The following TPD52 variants were observed in gnomAD, a reference collection of about 807,000 sequenced individuals.
TPD52 encodes tumor protein D52.
In TPD52, 17 loss-of-function variants were observed where a neutral mutation model predicts 31.3. The ratio of observed to expected loss-of-function variants is 0.54; its 90% CI spans 0.37 to 0.82. TPD52 has a LOEUF of 0.82. Among genes scored for constraint, TPD52 ranks in the 40% least tolerant of loss-of-function variants. TPD52 has a pLI of 0.00. For synonymous variants in TPD52, 83 were observed against 89.6 expected, an observed-to-expected ratio of 0.93 and a Z score of 0.42; for missense variants, 212 against 240.1, an observed-to-expected ratio of 0.88 and a Z score of 0.77.
intron 2 of TPD52, among the ~76,000 whole-genome samples, chr8:80,060,234 T>C (rs1168395733): frequency 7.0e-6 from 1 of 143,092 alleles, no homozygotes; most frequent in African/African-American, 2.6e-5. Context: ...GAAAGGATTA[T>C]AAAAGAATAT....
At chr8:80,135,586 G>A (rs1161719817) in intron 1 of TPD52, among the ~76,000 whole-genome samples, 1 of 151,668 alleles carries the variant, frequency 6.6e-6, no homozygotes, top group East Asian at 1.9e-4. Context: ...ATTCCTCAGG[G>A]ATCTAGAACT....
chr8:80,080,777 G>C, intron 1 of TPD52: 1 of 1,038,938 alleles, frequency 9.6e-7, no homozygotes, highest in Non-Finnish European at 1.2e-6. Flanking sequence ...AAGAAGGGCA[G>C]GGTTCTGCAA....
intron 2 of TPD52, among the ~76,000 whole-genome samples, chr8:80,054,159 C>T (rs547861059): frequency 1.3e-5 from 2 of 152,150 alleles, no homozygotes; most frequent in Admixed American, 6.5e-5. Flanking sequence ...CTCAACTATT[C>T]GTCTCTCTCA....
chr8:80,123,851 C>G (rs1808421510), intron 1 of TPD52, among the ~76,000 whole-genome samples: 1 of 152,036 alleles, frequency 6.6e-6, no homozygotes, highest in Admixed American at 6.6e-5. Flanking sequence ...TGGGAGAGTT[C>G]AACATCTGGA....
At chr8:80,064,812 G>C in intron 1 of TPD52, 1 of 677,032 alleles carries the variant, frequency 1.5e-6, no homozygotes, top group Non-Finnish European at 2.7e-6. Context: ...TATGAATTTA[G>C]AAAATATAGC....
At chr8:80,169,797 C>T (rs1055122215) in intron 1 of TPD52, among the ~76,000 whole-genome samples, 5 of 152,158 alleles carry the variant, frequency 3.3e-5, no homozygotes, top group Non-Finnish European at 1.5e-5. Flanking sequence ...CCTAAGCCGG[C>T]TAACAATATA....
chr8:80,054,006 C>A (rs1811620872), intron 2 of TPD52, among the ~76,000 whole-genome samples: 1 of 152,160 alleles, frequency 6.6e-6, no homozygotes, highest in Admixed American at 6.6e-5. Flanking sequence ...ACCGCCTCCT[C>A]AGGAGATCCC....
intron 1 of TPD52, among the ~76,000 whole-genome samples, chr8:80,068,840 C>A (rs1173138514): frequency 6.6e-6 from 1 of 152,212 alleles, no homozygotes; most frequent in Admixed American, 6.5e-5. Flanking sequence ...CATTTTACAT[C>A]TTTGAGATGC....
downstream of TPD52, among the ~76,000 whole-genome samples, chr8:80,034,305 G>A (rs1346597381): frequency 2.0e-5 from 3 of 151,976 alleles, no homozygotes; most frequent in African/African-American, 7.2e-5. Flanking sequence ...AGCTGCAGCT[G>A]GGTGGCTGCA....
At chr8:80,032,356 T>G (rs1304869811), downstream of TPD52, among the ~76,000 whole-genome samples, 1 of 152,114 alleles carries the variant, frequency 6.6e-6, no homozygotes, top group African/African-American at 2.4e-5. Context: ...TAGTGATGTT[T>G]TCACATACGC....
At chr8:80,053,212 C>A in intron 3 of TPD52, 70 bp downstream of exon 3, 1 of 1,503,814 alleles carries the variant, frequency 6.6e-7, no homozygotes, top group South Asian at 1.4e-5. Flanking sequence ...TTTTTCTTCC[C>A]CTCTCCAGAC....
intron 1 of TPD52, among the ~76,000 whole-genome samples, chr8:80,138,174 C>A (rs1234115569): frequency 6.6e-6 from 1 of 152,012 alleles, no homozygotes; most frequent in African/African-American, 2.4e-5. Flanking sequence ...AACTCCCGAC[C>A]TCAGGTGATC....
At chr8:80,103,194 A>G (rs537123560) in intron 1 of TPD52, among the ~76,000 whole-genome samples, 2 of 152,314 alleles carry the variant, frequency 1.3e-5, no homozygotes, top group South Asian at 2.1e-4. Context: ...TTTACAGGCA[A>G]TGTTAAAAAA....
At chr8:80,160,596 C>T (rs529854811) in intron 1 of TPD52, among the ~76,000 whole-genome samples, 43 of 152,174 alleles carry the variant, frequency 2.8e-4, no homozygotes, top group African/African-American at 9.6e-4. Context: ...GCATTTTTCC[C>T]TCTTTACAGA....
chr8:80,118,057 C>T (rs1470407037), intron 1 of TPD52, among the ~76,000 whole-genome samples: 2 of 152,054 alleles, frequency 1.3e-5, no homozygotes, highest in Admixed American at 6.6e-5. Context: ...TAATTTCAAA[C>T]TTCACTACAA....
chr8:80,104,661 A>C (rs1586306729), intron 1 of TPD52, among the ~76,000 whole-genome samples: 1 of 142,672 alleles, frequency 7.0e-6, no homozygotes, highest in Admixed American at 6.9e-5. Flanking sequence ...GAGTCTGCTG[A>C]TTTTTTTTTT....
intron 1 of TPD52, among the ~76,000 whole-genome samples, chr8:80,077,254 G>A (rs112205734): frequency 0.19 from 28,476 of 146,652 alleles, 2,960 homozygotes; most frequent in South Asian, 0.31. Flanking sequence ...CAGCCTGGGC[G>A]ACAGAGCAAG....
At chr8:80,052,654 T>C in intron 3 of TPD52, 1 of 1,289,222 alleles carries the variant, frequency 7.8e-7, no homozygotes, top group Non-Finnish European at 1.0e-6. Flanking sequence ...GTTCGGTTTC[T>C]GCTGCTAGAA....
chr8:80,052,579 A>C (rs1288476935), intron 3 of TPD52: 1 of 1,280,914 alleles, frequency 7.8e-7, no homozygotes, highest in Admixed American at 2.4e-5. Context: ...TCTGATAGTT[A>C]AATTGTAAAA....
Sources: allele counts gnomAD v4.1 joint callset (sites outside exome capture counted in the v4.1 genomes callset), GRCh38; gene constraint gnomAD v4.1.1; transcripts MANE v1.5; gene names NCBI Gene and HGNC (gene_info 2026-07-23, HGNC 2026-07-21).